KANK2: variants seen among roughly 807,000 people sequenced by gnomAD.
KANK2 encodes KN motif and ankyrin repeat domain-containing protein 2.
A neutral mutation model predicts 74.6 loss-of-function variants in KANK2; 41 were observed. The observed-to-expected ratio is 0.55, with a 90% CI of 0.43 to 0.71. KANK2 has a LOEUF of 0.71. KANK2 is among the 30% of genes least tolerant of loss of function. The pLI is 0.00. For synonymous variants in KANK2, 537 were observed against 519.0 expected (o/e 1.03, Z -0.47); for missense variants, 1,148 against 1,196.4 (o/e 0.96, Z 0.60).
At chr19:11,189,504 G>A (rs1037580381) in intron 4 of KANK2, among the ~76,000 whole-genome samples, 2 of 150,362 alleles carry the variant, frequency 1.3e-5, no homozygotes, top group Admixed American at 6.7e-5. Context: ...CTCGGGAGGC[G>A]GAGGCAGAAG....
intron 6 of KANK2, 36 bp downstream of exon 6, chr19:11,178,309 A>C: frequency 4.1e-6 from 3 of 727,890 alleles, no homozygotes; most frequent in Non-Finnish European, 5.7e-6. Context: ...GAGGGGCGGG[A>C]AGTATGGGGT....
At chr19:11,178,868 G>A (rs557877789) in intron 4 of KANK2, 148 bp from the exon 5 acceptor site, 28 of 702,578 alleles carry the variant, frequency 4.0e-5, no homozygotes, top group African/African-American at 7.6e-5. Flanking sequence ...GAGGGAAATC[G>A]GATTATTACA....
rs1399105612 is a variant in KANK2 at position 11,193,217 on chromosome 19, T to C, written c.863A>G (p.Lys288Arg). Residue 288 changes from lysine to arginine, a missense_variant, in exon 4 of 13, where the codon AAG becomes AGG. Physicochemically the swap from Lys to Arg is conservative, Grantham distance 26 (BLOSUM62 2). Coordinates refer to ENST00000586659, the MANE Select transcript of KANK2 (RefSeq NM_001136191.3). This position sits in a 1 kb window ranked among gnomAD's most constrained non-coding sequence, Gnocchi z 9.6. ...MPDGEAALAA[K>R]VAVLETQLKK... The stretch of plus-strand genomic sequence containing the variant: ...GAGCTGGGTCTCCAGCACAGCGACC[T>C]TGGCGGCGAGGGCAGCCTCCCCATC... 15 of 1,609,710 alleles carry C rather than the reference T, an allele frequency of 9.3e-6. No homozygotes were observed. Among genetic ancestry groups the C allele is most frequent in the Non-Finnish European group, 1.3e-5 (15 of 1,179,848 alleles).
At chr19:11,168,151 C>T (rs530528535) in intron 12 of KANK2, among the ~76,000 whole-genome samples, 1 of 151,660 alleles carries the variant, frequency 6.6e-6, no homozygotes. Context: ...TAAAGGCATG[C>T]GCCACCACAC....
At position 11,193,531 on chromosome 19, in the gene KANK2, C is replaced by T; in HGVS notation, c.549G>A (p.Gly183=). ...GLSTPVPPSA[G]HLAHVREQMA... ...TCTGCTCCCGCACGTGGGCCAGGTG[C>T]CCGGCACTGGGAGGCACCGGTGTGG... The change falls in exon 4 of 13, where the codon GGG becomes GGA. Residue 183 remains glycine (G), a synonymous_variant. Transcript: ENST00000586659. The surrounding 1 kb of genome is among the most constrained non-coding windows in gnomAD (Gnocchi z 9.6). 6.2e-7 allele frequency: 1 copy of T among 1,606,958 alleles called. No individual in the cohort carries two copies. The highest frequency in any genetic ancestry group is 8.5e-7 in the Non-Finnish European group (1 of 1,179,514).
At chr19:11,197,140 G>C (rs1255285330) in intron 1 of KANK2, 1 of 152,454 alleles carries the variant, frequency 6.6e-6, no homozygotes, top group Non-Finnish European at 1.5e-5. Flanking sequence ...CAGAGCCGGG[G>C]AGGAACAGAG....
rs1302326462 is a variant in KANK2 at position 11,164,436 on chromosome 19, G to A, written c.*2122C>T. 2.0e-5 allele frequency: 3 copies of A among 152,122 alleles called. No homozygotes were observed. The highest frequency in any genetic ancestry group is 4.4e-5 in the Non-Finnish European group (3 of 68,046). The allele number at this position is 152,122 out of a possible 1,614,324, so 9.4% of individuals were successfully genotyped here. On this transcript the variant is annotated 3_prime_UTR_variant, in exon 13 of 13. Transcript: ENST00000586659. ...GAGAAGAGAATGGGCGCAGAGGCACGAGTCCAGTATCCCACGGAGAGAAGG... is the reference window on the plus strand; with the variant it reads ...GAGAAGAGAATGGGCGCAGAGGCACAAGTCCAGTATCCCACGGAGAGAAGG...
rs548896322 is a variant in KANK2 at position 11,166,529 on chromosome 19, G to A, written c.*29C>T. 52 of 1,607,204 alleles carry A rather than the reference G, an allele frequency of 3.2e-5. 1 individual carries two copies. The highest frequency in any genetic ancestry group is 1.1e-4 in the South Asian group (10 of 90,970). Reference sequence around the variant, plus strand: ...CGGGGACAAGGGACGGTTTGCTCCCGGTCTGGCTGGTCCCCGCCTCCCTCA... The same window carrying A: ...CGGGGACAAGGGACGGTTTGCTCCCAGTCTGGCTGGTCCCCGCCTCCCTCA... On this transcript the variant is annotated 3_prime_UTR_variant, in exon 13 of 13. Coordinates refer to ENST00000586659, the MANE Select transcript of KANK2 (RefSeq NM_001136191.3).
chr19:11,181,410 C>G (rs916012112), intron 4 of KANK2, among the ~76,000 whole-genome samples: 5 of 151,844 alleles, frequency 3.3e-5, no homozygotes, highest in African/African-American at 1.2e-4. Context: ...CCATGCCCGG[C>G]TAATTTTTGT....
intron 4 of KANK2, 48 bp downstream of exon 4, chr19:11,192,783 G>GGC: frequency 3.5e-6 from 5 of 1,444,004 alleles, no homozygotes; most frequent in Non-Finnish European, 4.7e-6. Flanking sequence ...GAAGAAAGAG[G>GGC]CCCCCCCCCC....
intron 10 of KANK2, among the ~76,000 whole-genome samples, chr19:11,172,268 C>T (rs1018629538): frequency 6.6e-5 from 10 of 152,118 alleles, no homozygotes; most frequent in Non-Finnish European, 1.0e-4. Context: ...TGAGCCATGG[C>T]GCCTGGCCTT....
chr19:11,187,325 G>A (rs373820902), intron 4 of KANK2, among the ~76,000 whole-genome samples: 32 of 151,624 alleles, frequency 2.1e-4, no homozygotes, highest in African/African-American at 7.5e-4. Context: ...TCAGTGTGGA[G>A]AGTTCAAAAA....
At chr19:11,185,066 C>G (rs1458361140) in intron 4 of KANK2, among the ~76,000 whole-genome samples, 2 of 148,630 alleles carry the variant, frequency 1.3e-5, no homozygotes, top group Non-Finnish European at 3.0e-5. Context: ...CACGCCCAGT[C>G]TACTTCAGGC....
In KANK2 at chr19:11,192,877, C is replaced by A; in HGVS notation, c.1203G>T (p.Met401Ile). 1 of 1,614,088 alleles carries A rather than the reference C, an allele frequency of 6.2e-7. No individual in the cohort carries two copies. Among genetic ancestry groups the A allele is most frequent in the South Asian group, 1.1e-5 (1 of 91,070 alleles). The change falls in exon 4 of 13, where the codon ATG becomes ATT. Residue 401 changes from methionine to isoleucine, a missense_variant. By Grantham distance (10) the Met-to-Ile change is conservative (BLOSUM62 1). Coordinates refer to ENST00000586659, the MANE Select transcript of KANK2 (RefSeq NM_001136191.3). ...VPAAATSNVH[M>I]VKKISITERS... ...GCTCTGTGATGCTAATCTTCTTCAC[C>A]ATATGGACGTTGCTGGTAGCTGCAG... is the stretch of plus-strand genomic sequence containing the variant.
Position 11,184,393 on chromosome 19 carries a change from C to CAAAAAT in KANK2, c.1250-5679_1250-5674dup, listed in dbSNP as rs964911563. Among the ~76,000 whole-genome samples the CAAAAAT allele has an allele frequency of 2.7e-5, 4 of 149,910 alleles. 1 individual carries two copies. Among genetic ancestry groups the CAAAAAT allele is most frequent in the African/African-American group, 9.8e-5 (4 of 40,792 alleles). On this transcript the variant is annotated intron_variant, in intron 4 of 12. Transcript: ENST00000586659. The stretch of plus-strand genomic sequence containing the variant: ...TCTGTCTCAAAAACAAAAACAAAAA[C>CAAAAAT]AAAAATGAAGACCTCTGAGATCCTC...
rs201235848 is a variant in KANK2, at chr19:11,193,548, C to T, written c.532G>A (p.Val178Met). ...TPRSSGLSTPVPPSAGHLAHV... is the reference protein window; with the variant it reads ...TPRSSGLSTPMPPSAGHLAHV... ...GCCAGGTGCCCGGCACTGGGAGGCA[C>T]CGGTGTGGACAGTCCTGAACTCCGT... is the stretch of plus-strand genomic sequence containing the variant. The change falls in exon 4 of 13, where the codon GTG becomes ATG. Residue 178 changes from valine (V) to methionine (M), a missense_variant. Transcript: ENST00000586659. This position sits in a 1 kb window ranked among gnomAD's most constrained non-coding sequence, Gnocchi z 9.6. The T allele has an allele frequency of 1.9e-5, 30 of 1,604,150 alleles. No homozygotes were observed. Among genetic ancestry groups the T allele is most frequent in the Admixed American group, 1.5e-4 (9 of 59,838 alleles).
chr19:11,186,109 C>T (rs1162318370), intron 4 of KANK2, among the ~76,000 whole-genome samples: 2 of 152,066 alleles, frequency 1.3e-5, no homozygotes, highest in Non-Finnish European at 2.9e-5. Context: ...AAGACAGGGC[C>T]GGGCGTGGTA....
rs753055542 is a variant in KANK2, at chr19:11,193,535, G to A, written c.545C>T (p.Ala182Val). 1.5e-5 allele frequency: 24 copies of A among 1,606,100 alleles called. No homozygotes were observed. The Admixed American group carries it at 4.0e-4, about 27-fold the overall frequency. ...CTCCCGCACGTGGGCCAGGTGCCCG[G>A]CACTGGGAGGCACCGGTGTGGACAG... The part of the protein sequence containing the change: ...SGLSTPVPPS[A>V]GHLAHVREQM... Residue 182 changes from alanine to valine, a missense_variant, in exon 4 of 13, where the codon GCC becomes GTC. Coordinates refer to ENST00000586659, the MANE Select transcript of KANK2 (RefSeq NM_001136191.3). This position sits in a 1 kb window ranked among gnomAD's most constrained non-coding sequence, Gnocchi z 9.6.
intron 12 of KANK2, among the ~76,000 whole-genome samples, chr19:11,166,962 G>T (rs1043330099): frequency 6.6e-6 from 1 of 152,228 alleles, no homozygotes; most frequent in African/African-American, 2.4e-5. Context: ...GTGCAGAGGG[G>T]TGTGGCAATA....
Sources: gnomAD v4.1 joint callset for allele counts (sites outside exome capture counted in the v4.1 genomes callset) on GRCh38, gnomAD v4.1.1 for gene constraint, Gnocchi (gnomAD v3.1) non-coding constraint, MANE v1.5 for transcripts, NCBI Gene and HGNC (gene_info 2026-07-23, HGNC 2026-07-21) for gene names.